Variants in BORA observed in about 807,000 individuals in gnomAD.
The protein encoded by BORA is BORA aurora kinase A activator.
A neutral mutation model predicts 55.8 loss-of-function variants in BORA; 26 were observed. The ratio of observed to expected loss-of-function variants is 0.47; its 90% confidence interval spans 0.34 to 0.65. The LOEUF is 0.65. Ranked by LOEUF, BORA falls within the 30% of genes least tolerant of loss-of-function variation. The probability of loss-of-function intolerance (pLI) is 0.01; values close to 1 mark genes in which losing one functional copy is unlikely to be tolerated. For missense variants in BORA, 568 were observed against 671.5 expected (o/e 0.85, Z 1.70); for synonymous variants, 201 against 216.9 (o/e 0.93, Z 0.64).
intron 9 of BORA, 53 bp from the exon 10 acceptor site, chr13:72,746,446 CTT>C (rs2138090790): frequency 2.6e-6 from 4 of 1,535,530 alleles, no homozygotes; most frequent in Non-Finnish European, 3.5e-6. Flanking sequence ...TTAGTAGTGA[CTT>C]TTCCATTTTC....
chr13:72,738,640 C>T (rs1566222055), intron 5 of BORA, among the ~76,000 whole-genome samples: 3 of 152,028 alleles, frequency 2.0e-5, no homozygotes, highest in African/African-American at 7.2e-5. Flanking sequence ...TATATGCATC[C>T]CTCATCACAG....
Position 72,755,135 on chromosome 13 carries a change from G to A in BORA, c.1615-16G>A. ...CTACTTAAACTGAAAACAAGGTATT[G>A]TCTTCTTTTTCACAGCAAGACCACA... is the stretch of plus-strand genomic sequence containing the variant. On this transcript the variant is annotated splice_polypyrimidine_tract_variant and intron_variant, in intron 11 of 11. Coordinates refer to ENST00000390667, the MANE Select transcript of BORA (RefSeq NM_024808.5). 6.2e-7 allele frequency: 1 copy of A among 1,612,154 alleles called. No homozygotes were observed. Among genetic ancestry groups the A allele is most frequent in the Non-Finnish European group, 8.5e-7 (1 of 1,178,688 alleles).
rs770419234 is a variant in BORA at position 72,744,964 on chromosome 13, C to T, written c.512-17C>T. 1.1e-5 allele frequency: 17 copies of T among 1,605,050 alleles called. No individual in the cohort carries two copies. In the South Asian group the frequency reaches 1.8e-4, roughly 17 times the overall value. ...TAAAATGACTAGCTTTGCCTTTTCT[C>T]CTATTATTAAATATAGGTGACTATT... On this transcript the variant is annotated splice_polypyrimidine_tract_variant and intron_variant, in intron 7 of 11. Transcript: ENST00000390667.
chr13:72,736,430 T>C (rs1355001928), intron 4 of BORA, among the ~76,000 whole-genome samples: 1 of 152,164 alleles, frequency 6.6e-6, no homozygotes, highest in African/African-American at 2.4e-5. Context: ...TTTAATAGCA[T>C]ATGTCCTTAA....
intron 10 of BORA, among the ~76,000 whole-genome samples, chr13:72,748,860 TA>T (rs1479452630): frequency 6.6e-6 from 1 of 152,222 alleles, no homozygotes; most frequent in East Asian, 1.9e-4. Flanking sequence ...TATTCTCCCA[TA>T]ATTGTAGTCA....
At chr13:72,734,202 A>C (rs1329355894) in intron 3 of BORA, among the ~76,000 whole-genome samples, 1 of 152,228 alleles carries the variant, frequency 6.6e-6, no homozygotes, top group African/African-American at 2.4e-5. Flanking sequence ...ATAAAAGTTA[A>C]AGAAAAAATT....
At chr13:72,730,245 C>G (rs1014278371) in intron 2 of BORA, among the ~76,000 whole-genome samples, 1 of 152,132 alleles carries the variant, frequency 6.6e-6, no homozygotes, top group Non-Finnish European at 1.5e-5. Flanking sequence ...CAAGTATGTA[C>G]TAGTGGAAGG....
intron 1 of BORA, 151 bp downstream of exon 1, chr13:72,728,158 C>T (rs1312024183): frequency 9.1e-7 from 1 of 1,100,748 alleles, no homozygotes; most frequent in Non-Finnish European, 1.4e-6. Flanking sequence ...GAAAGAGTGG[C>T]CACGTAGGGT....
intron 2 of BORA, among the ~76,000 whole-genome samples, chr13:72,729,530 C>A (rs1000368767): frequency 6.6e-6 from 1 of 152,084 alleles, no homozygotes; most frequent in Admixed American, 6.5e-5. Flanking sequence ...GGTTATACTC[C>A]GATGTATGGG....
intron 3 of BORA, among the ~76,000 whole-genome samples, chr13:72,734,169 G>C (rs1436579178): frequency 1.3e-5 from 2 of 152,032 alleles, no homozygotes; most frequent in Non-Finnish European, 2.9e-5. Context: ...TGTGTAACCT[G>C]CATTTGTACC....
At chr13:72,748,257 A>G (rs1333890761) in intron 10 of BORA, among the ~76,000 whole-genome samples, 1 of 152,228 alleles carries the variant, frequency 6.6e-6, no homozygotes, top group Non-Finnish European at 1.5e-5. Flanking sequence ...TAAATTACCT[A>G]AAGTTTCTAT....
chr13:72,735,852 G>A (rs1032344998), intron 4 of BORA, among the ~76,000 whole-genome samples: 2 of 152,082 alleles, frequency 1.3e-5, no homozygotes, highest in East Asian at 1.9e-4. Flanking sequence ...CAGATGATCC[G>A]CCTACCTTGG....
At chr13:72,741,536 C>A (rs755376889) in intron 5 of BORA, among the ~76,000 whole-genome samples, 4 of 152,038 alleles carry the variant, frequency 2.6e-5, no homozygotes, top group Non-Finnish European at 4.4e-5. Context: ...CAAATGTTAT[C>A]TCCCATTCTG....
At position 72,737,953 on chromosome 13, in the gene BORA, T is replaced by A; in HGVS notation, c.307-9T>A. 1 of 1,562,692 alleles carries A rather than the reference T, an allele frequency of 6.4e-7. No individual in the cohort carries two copies. Among genetic ancestry groups the A allele is most frequent in the Non-Finnish European group, 8.7e-7 (1 of 1,148,134 alleles). On this transcript the variant is annotated splice_polypyrimidine_tract_variant and intron_variant, in intron 4 of 11. Transcript: ENST00000390667. Reference sequence around the variant, plus strand: ...TTTATGCCTAATTGTATGACTTTAATTTTCCTAGTTTTTCACTAAAGATGT... The same window carrying A: ...TTTATGCCTAATTGTATGACTTTAAATTTCCTAGTTTTTCACTAAAGATGT...
chr13:72,731,145 G>C, intron 2 of BORA, 136 bp from the exon 3 acceptor site: 1 of 611,288 alleles, frequency 1.6e-6, no homozygotes, highest in South Asian at 2.1e-5. Flanking sequence ...TAATTTCATG[G>C]TAAAGTCAAA....
chr13:72,747,175 A>G (rs1226841933), intron 10 of BORA, 64 bp downstream of exon 10: 3 of 1,521,670 alleles, frequency 2.0e-6, no homozygotes, highest in South Asian at 1.2e-5. Context: ...CCTTTCTAAG[A>G]TTATAGTATA....
intron 4 of BORA, 72 bp from the exon 5 acceptor site, chr13:72,737,890 T>C (rs1717754176): frequency 1.1e-6 from 1 of 943,072 alleles, no homozygotes; most frequent in Non-Finnish European, 1.6e-6. Context: ...AATAATTACT[T>C]GGAAAAACAC....
chr13:72,727,972 G>A lies in BORA; in HGVS notation c.-51G>A, dbSNP rs1437508957. 1.9e-6 allele frequency: 3 copies of A among 1,550,592 alleles called. No homozygotes were observed. In the South Asian group the frequency reaches 3.6e-5, roughly 18 times the overall value. ...GCTGGCCTGGCCCCCGGAGCTCCCT[G>A]GAGTCGGTACTGGGGGCTTCGTTTT... is the stretch of plus-strand genomic sequence containing the variant. On this transcript the variant is annotated 5_prime_UTR_variant, in exon 1 of 12. The change creates a premature stop within an existing upstream ORF in the 5' untranslated region. Transcript: ENST00000390667.
intron 4 of BORA, among the ~76,000 whole-genome samples, chr13:72,736,410 A>T (rs1339622237): frequency 6.6e-6 from 1 of 152,114 alleles, no homozygotes; most frequent in Admixed American, 6.6e-5. Flanking sequence ...TTTCAGATTA[A>T]TTTTACTTAT....
Sources: allele counts gnomAD v4.1 joint callset (sites outside exome capture counted in the v4.1 genomes callset), GRCh38; gene constraint gnomAD v4.1.1; transcripts MANE v1.5; gene names NCBI Gene and HGNC (gene_info 2026-07-23, HGNC 2026-07-21).